MPND: variants seen among roughly 807,000 people sequenced by gnomAD.
The protein encoded by MPND is MPN domain-containing protein.
In MPND, 56 loss-of-function variants were observed where a neutral mutation model predicts 59.2. The observed-to-expected ratio is 0.95, with a 90% CI of 0.76 to 1.18. The LOEUF (loss-of-function observed/expected upper bound fraction) is 1.18, where lower values mean the gene tolerates loss of function less well. Ranked by LOEUF, MPND falls within the 50% of genes most tolerant of loss-of-function variation. The probability of loss-of-function intolerance (pLI) is 0.00; values close to 1 mark genes in which losing one functional copy is unlikely to be tolerated. For synonymous variants in MPND, 323 were observed against 291.9 expected, an observed-to-expected ratio of 1.11 and a Z score of -1.09; for missense variants, 671 against 676.0, an observed-to-expected ratio of 0.99 and a Z score of 0.08.
chr19:4,349,204 A>G (rs1972258497), intron 3 of MPND: 1 of 152,078 alleles, frequency 6.6e-6, no homozygotes, highest in South Asian at 2.1e-4. Context: ...AGTAGCTGGG[A>G]CTACAAGGGC....
At chr19:4,347,771 G>A in intron 3 of MPND, 1 of 575,228 alleles carries the variant, frequency 1.7e-6, no homozygotes, top group Non-Finnish European at 3.0e-6. Context: ...CCGACGCAGT[G>A]GCAAAAAAAC....
rs1972406359 is a variant in MPND, at chr19:4,355,095, AGTGCTGACG to A, written c.924_932del (p.Thr309_Leu311del). On this transcript the variant is annotated splice_acceptor_variant and coding_sequence_variant, in exon 8 of 13. Transcript: ENST00000599840. LOFTEE classifies it high-confidence loss of function. Reference sequence around the variant, plus strand: ...CGGGGTCACAGCTGCCCCTCCCCACAGTGCTGACGGTGCTCAGAGCCTTCCCTTGTCGGA... The same window carrying A: ...CGGGGTCACAGCTGCCCCTCCCCACAGTGCTCAGAGCCTTCCCTTGTCGGA... 1.2e-6 allele frequency: 2 copies of A among 1,613,828 alleles called. No homozygotes were observed. Among genetic ancestry groups the A allele is most frequent in the South Asian group, 2.2e-5 (2 of 91,086 alleles).
At chr19:4,351,658 C>G (rs574440881) in intron 3 of MPND, among the ~76,000 whole-genome samples, 1 of 150,524 alleles carries the variant, frequency 6.6e-6, no homozygotes, top group Middle Eastern at 3.5e-3. Context: ...GTCAGACGAT[C>G]GAGACCATCC....
chr19:4,357,229 G>A (rs61730130), intron 8 of MPND, 24 bp from the exon 9 acceptor site: 19 of 1,561,592 alleles, frequency 1.2e-5, no homozygotes, highest in South Asian at 3.6e-5. Context: ...CCCTGTGCCC[G>A]CTGAGCTGCG....
intron 3 of MPND, among the ~76,000 whole-genome samples, chr19:4,351,732 CAT>C (rs1972321704): frequency 2.0e-5 from 3 of 151,776 alleles, no homozygotes; most frequent in Admixed American, 1.3e-4. Context: ...CGTGGTGGCA[CAT>C]GCCTATAATC....
Position 4,355,297 on chromosome 19 carries a change from G to A in MPND, c.996+124G>A, listed in dbSNP as rs867283545. On this transcript the variant is annotated intron_variant, in intron 8 of 12. Coordinates refer to ENST00000599840, the MANE Select transcript of MPND (RefSeq NM_001300862.2). ...ACCGTGCAGGTGAGCATGCCCGTCT[G>A]TGTGCTTGGGACCCCATGGTGAAGG... 11 of 912,068 alleles carry A rather than the reference G, an allele frequency of 1.2e-5. No individual in the cohort carries two copies. The Middle Eastern group carries it at 1.3e-3, about 111-fold the overall frequency. The allele number at this position is 912,068 out of a possible 1,614,324, so 56.5% of individuals were successfully genotyped here.
intron 3 of MPND, chr19:4,347,829 G>T (rs926030641): frequency 9.5e-6 from 3 of 316,962 alleles, no homozygotes; most frequent in Non-Finnish European, 6.3e-6. Context: ...TGTCTACAAG[G>T]AACTGGCAAA....
At chr19:4,357,117 G>A (rs1972453844) in intron 8 of MPND, 136 bp from the exon 9 acceptor site, 37 of 878,712 alleles carry the variant, frequency 4.2e-5, no homozygotes, top group Non-Finnish European at 5.7e-5. Flanking sequence ...TGGCGGTGGG[G>A]GCAGGGCCTG....
intron 5 of MPND, 74 bp from the exon 6 acceptor site, chr19:4,354,250 T>G: frequency 1.3e-6 from 2 of 1,484,134 alleles, no homozygotes; most frequent in African/African-American, 1.4e-5. Flanking sequence ...GCTGTGGGGT[T>G]GGGGGAGTCA....
At chr19:4,350,087 G>C (rs116423832) in intron 3 of MPND, among the ~76,000 whole-genome samples, 2 of 151,900 alleles carry the variant, frequency 1.3e-5, no homozygotes, top group African/African-American at 4.8e-5. Flanking sequence ...AGGTGGTTGG[G>C]GGGGCTTCAC....
At chr19:4,345,161 C>T (rs928204328) in intron 2 of MPND, among the ~76,000 whole-genome samples, 1 of 150,590 alleles carries the variant, frequency 6.6e-6, no homozygotes, top group Non-Finnish European at 1.5e-5. Flanking sequence ...ATTCTCCTGC[C>T]TTAGCCTCTT....
At chr19:4,345,671 C>G in intron 2 of MPND, 74 bp from the exon 3 acceptor site, 1 of 1,425,832 alleles carries the variant, frequency 7.0e-7, no homozygotes, top group Non-Finnish European at 9.8e-7. Flanking sequence ...GAGCGTAGGT[C>G]TGGGGAGGAC....
intron 11 of MPND, among the ~76,000 whole-genome samples, 163 bp from the exon 12 acceptor site, chr19:4,359,000 C>G (rs969167568): frequency 8.5e-5 from 13 of 152,124 alleles, no homozygotes; most frequent in Admixed American, 8.5e-4. Context: ...TGGACCTAAG[C>G]TAGGTGAGCC....
intron 3 of MPND, chr19:4,348,934 C>T (rs540328275): frequency 2.2e-4 from 45 of 208,084 alleles, no homozygotes; most frequent in East Asian, 1.1e-3. Flanking sequence ...GGATTATAGG[C>T]GTGAGCCACC....
intron 3 of MPND, among the ~76,000 whole-genome samples, chr19:4,350,470 C>T (rs549821599): frequency 3.7e-4 from 56 of 151,946 alleles, no homozygotes; most frequent in Admixed American, 4.6e-4. Context: ...AGGGTGGGAT[C>T]CAGGGACCAG....
intron 8 of MPND, among the ~76,000 whole-genome samples, chr19:4,355,871 T>C (rs1972428121): frequency 6.9e-6 from 1 of 145,438 alleles, no homozygotes; most frequent in Admixed American, 7.0e-5. Flanking sequence ...TTTTTTTTTT[T>C]CTTGAGACAT....
intron 8 of MPND, 147 bp from the exon 9 acceptor site, chr19:4,357,104 CAG>C (rs1045412835): frequency 1.1e-5 from 8 of 696,952 alleles, no homozygotes; most frequent in Admixed American, 3.8e-5. Context: ...CCACTGGACT[CAG>C]TGGCGGTGGG....
intron 11 of MPND, 31 bp from the exon 12 acceptor site, chr19:4,359,132 G>C (rs757915483): frequency 1.3e-6 from 2 of 1,537,800 alleles, no homozygotes; most frequent in Admixed American, 1.7e-5. Flanking sequence ...CTTGGAGGGA[G>C]CCTGGGAGTC....
rs779175383 is a variant in MPND, at chr19:4,359,244, G to A, written c.1408G>A (p.Asp470Asn). 2.7e-5 allele frequency: 43 copies of A among 1,612,796 alleles called. No individual in the cohort carries two copies. The highest frequency in any genetic ancestry group is 5.0e-5 in the Admixed American group (3 of 59,990). Residue 470 changes from aspartate (D) to asparagine (N), a missense_variant, in exon 12 of 13, where the codon GAC becomes AAC. Transcript: ENST00000599840. ...CTGGAGCCAGGAGCACACCTACCTC[G>A]ACAAGCTTAAGGTGAGCCCCAAGTC... ...EPWSQEHTYLDKLKISLASRT... is the reference protein window; with the variant it reads ...EPWSQEHTYLNKLKISLASRT...
Sources: allele counts gnomAD v4.1 joint callset (sites outside exome capture counted in the v4.1 genomes callset), GRCh38; gene constraint gnomAD v4.1.1; transcripts MANE v1.5; gene names NCBI Gene and HGNC (gene_info 2026-07-23, HGNC 2026-07-21).